SERAC1: variants seen among roughly 807,000 people sequenced by gnomAD.
SERAC1 encodes the protein serine active site containing 1.
Under a neutral mutation model 85.7 loss-of-function variants are expected in SERAC1, and 36 were observed. That is an observed-to-expected ratio of 0.42 (90% CI 0.32 to 0.55). The LOEUF is 0.55. Ranked by LOEUF, SERAC1 falls within the 20% of genes least tolerant of loss-of-function variation. The pLI, the probability that SERAC1 is intolerant of heterozygous loss-of-function variation, is 0.11. For synonymous variants in SERAC1, 242 were observed against 265.3 expected, an observed-to-expected ratio of 0.91 and a Z score of 0.85; for missense variants, 629 against 796.2, an observed-to-expected ratio of 0.79 and a Z score of 2.53.
intron 6 of SERAC1, chr6:158,146,543 G>C (rs1785063413): frequency 6.0e-6 from 2 of 332,776 alleles, no homozygotes; most frequent in East Asian, 1.6e-4. Context: ...CGAGTAGCTG[G>C]GACTACAGAC....
chr6:158,155,979 T>A (rs1364341737), intron 2 of SERAC1, among the ~76,000 whole-genome samples: 1 of 151,900 alleles, frequency 6.6e-6, no homozygotes, highest in African/African-American at 2.4e-5. Flanking sequence ...ATCCCATCTC[T>A]ACTAAATATT....
chr6:158,114,949 C>T lies in SERAC1; in HGVS notation c.1524G>A (p.Leu508=). Residue 508 remains leucine, a synonymous_variant, in exon 15 of 17, where the codon CTG becomes CTA. Coordinates refer to ENST00000647468, the MANE Select transcript of SERAC1 (RefSeq NM_032861.4). ...SMGGLLVKKM[L]LEASTKPEMS... The stretch of plus-strand genomic sequence containing the variant: ...TTTCTGGCTTCGTAGAGGCTTCCAA[C>T]AGCATCTTTTTGACAAGAAGACCTA... 6.2e-7 allele frequency: 1 copy of T among 1,611,562 alleles called. No individual in the cohort carries two copies. Among genetic ancestry groups the T allele is most frequent in the Non-Finnish European group, 8.5e-7 (1 of 1,179,056 alleles).
rs1447742268 is a variant in SERAC1 at position 158,119,721 on chromosome 6, T to C, written c.1167-551A>G. On this transcript the variant is annotated intron_variant, in intron 11 of 16. Transcript: ENST00000647468. The surrounding 1 kb of genome is among the most constrained non-coding windows in gnomAD (Gnocchi z 4.5). ...TACACATACAATTATGCAATGCACA[T>C]ATATAACCATAATATTTTATTTACA... 6.6e-6 allele frequency among the ~76,000 whole-genome samples: 1 copy of C among 152,224 alleles called. No homozygotes were observed.
At position 158,154,496 on chromosome 6, in the gene SERAC1, C is replaced by A. The variant is rs551130918; in HGVS notation, c.128+819G>T. 8.0e-4 allele frequency among the ~76,000 whole-genome samples: 122 copies of A among 152,098 alleles called. 1 individual carries two copies. The South Asian group carries it at 0.022, about 28-fold the overall frequency. ...GCCAAATATATCTCTTTTATCATTT[C>A]GGCATCTGAGAGTTAATTTTATATT... is the stretch of plus-strand genomic sequence containing the variant. On this transcript the variant is annotated intron_variant, in intron 3 of 16. Coordinates refer to ENST00000647468, the MANE Select transcript of SERAC1 (RefSeq NM_032861.4).
In SERAC1 at chr6:158,120,431, C is replaced by T; in HGVS notation, c.1160G>A (p.Arg387Gln). ...DGVYVLHPQYRTSQPIKADVL... is the reference protein window; with the variant it reads ...DGVYVLHPQYQTSQPIKADVL... ...CTCTCTTCTGCTTCCTTACCTTGTTCGATATTGGGGATGCAGCACATATAC... is the reference window on the plus strand; with the variant it reads ...CTCTCTTCTGCTTCCTTACCTTGTTTGATATTGGGGATGCAGCACATATAC... Residue 387 changes from arginine to glutamine, a missense_variant, in exon 11 of 17, where the codon CGA becomes CAA. Physicochemically the swap from Arg to Gln is conservative, Grantham distance 43 (BLOSUM62 1). Coordinates refer to ENST00000647468, the MANE Select transcript of SERAC1 (RefSeq NM_032861.4). This position sits in a 1 kb window ranked among gnomAD's most constrained non-coding sequence, Gnocchi z 4.4. 6.2e-7 allele frequency: 1 copy of T among 1,610,592 alleles called. No homozygotes were observed. Among genetic ancestry groups the T allele is most frequent in the African/African-American group, 1.3e-5 (1 of 74,898 alleles).
chr6:158,117,581 A>G lies in SERAC1; in HGVS notation c.1403+146T>C, dbSNP rs1784320145. On this transcript the variant is annotated intron_variant, in intron 13 of 16. Coordinates refer to ENST00000647468, the MANE Select transcript of SERAC1 (RefSeq NM_032861.4). This position sits in a 1 kb window ranked among gnomAD's most constrained non-coding sequence, Gnocchi z 4.3. ...TTATTGACAGCAAACTCCTTCTAGAAGGAAGACAAAAAAGATTAGGTTTGT... is the reference window on the plus strand; with the variant it reads ...TTATTGACAGCAAACTCCTTCTAGAGGGAAGACAAAAAAGATTAGGTTTGT... The G allele has an allele frequency of 5.8e-6, 9 of 1,552,680 alleles. No homozygotes were observed. Among genetic ancestry groups the G allele is most frequent in the Non-Finnish European group, 6.1e-6 (7 of 1,147,530 alleles).
At chr6:158,152,157 T>A (rs1785220532) in intron 3 of SERAC1, among the ~76,000 whole-genome samples, 1 of 152,164 alleles carries the variant, frequency 6.6e-6, no homozygotes, top group South Asian at 2.1e-4. Flanking sequence ...GGCAGGAGGA[T>A]CACTTGCATC....
chr6:158,118,234 C>T (rs1285074719), intron 12 of SERAC1, among the ~76,000 whole-genome samples: 1 of 151,974 alleles, frequency 6.6e-6, no homozygotes, highest in African/African-American at 2.4e-5. Context: ...CTCTGTATAC[C>T]CTAGGTCTAT....
chr6:158,143,612 C>A (rs1784984089), intron 7 of SERAC1, among the ~76,000 whole-genome samples: 2 of 151,910 alleles, frequency 1.3e-5, no homozygotes, highest in East Asian at 1.9e-4. Context: ...AATTATTGCA[C>A]CCTTACTAAT....
At chr6:158,147,694 C>T (rs1440568594) in intron 5 of SERAC1, among the ~76,000 whole-genome samples, 5 of 138,192 alleles carry the variant, frequency 3.6e-5, no homozygotes, top group African/African-American at 8.2e-5. Context: ...GGCGTGAACC[C>T]GGGAGGCAGA....
intron 1 of SERAC1, chr6:158,161,927 C>T (rs1033965971): frequency 2.6e-5 from 4 of 152,206 alleles, no homozygotes; most frequent in African/African-American, 4.8e-5. Flanking sequence ...TACCCTGTCT[C>T]GCTCATTCCT....
intron 1 of SERAC1, among the ~76,000 whole-genome samples, chr6:158,164,606 T>A (rs1177722748): frequency 6.6e-6 from 1 of 152,044 alleles, no homozygotes; most frequent in Non-Finnish European, 1.5e-5. Flanking sequence ...AATTTAAAAA[T>A]AAAACAAATA....
chr6:158,115,095 T>C (rs142463510), intron 14 of SERAC1, 124 bp from the exon 15 acceptor site: 16 of 1,035,532 alleles, frequency 1.5e-5, no homozygotes, highest in Middle Eastern at 5.2e-4. Context: ...AAAAAAATGG[T>C]TTAAACAATT....
chr6:158,132,484 G>T (rs1241154722), intron 8 of SERAC1, among the ~76,000 whole-genome samples: 1 of 152,078 alleles, frequency 6.6e-6, no homozygotes, highest in East Asian at 1.9e-4. Flanking sequence ...TTGTCGGGGG[G>T]TAGGAATTTT....
rs949148199 is a variant in SERAC1, at chr6:158,109,537, T to C, written c.*1829A>G. 3.3e-5 allele frequency: 5 copies of C among 152,202 alleles called. No homozygotes were observed. The East Asian group carries it at 9.6e-4, about 29-fold the overall frequency. 9.4% of individuals were successfully genotyped at this position (152,202 alleles called of 1,614,324 possible). On this transcript the variant is annotated 3_prime_UTR_variant, in exon 17 of 17. Coordinates refer to ENST00000647468, the MANE Select transcript of SERAC1 (RefSeq NM_032861.4). Reference sequence around the variant, plus strand: ...CAATTAATTGTTGATATCGAGTTTATTGATGAGCCATTTACCTTCAGATGC... The same window carrying C: ...CAATTAATTGTTGATATCGAGTTTACTGATGAGCCATTTACCTTCAGATGC...
intron 8 of SERAC1, among the ~76,000 whole-genome samples, chr6:158,134,275 C>T (rs1784743906): frequency 6.6e-6 from 1 of 152,164 alleles, no homozygotes; most frequent in African/African-American, 2.4e-5. Flanking sequence ...CCACTGAAGG[C>T]CTGAAAGCAA....
At chr6:158,147,727 G>A (rs1459185878) in intron 5 of SERAC1, among the ~76,000 whole-genome samples, 3 of 126,272 alleles carry the variant, frequency 2.4e-5, no homozygotes, top group East Asian at 2.5e-4. Context: ...CAGAGATCGC[G>A]CCACTGCACT....
chr6:158,155,051 T>C (rs1419370781), intron 3 of SERAC1, among the ~76,000 whole-genome samples: 1 of 152,186 alleles, frequency 6.6e-6, no homozygotes, highest in Non-Finnish European at 1.5e-5. Flanking sequence ...CTGATTTAAG[T>C]GTGTCAAAGT....
At chr6:158,128,345 G>A in intron 9 of SERAC1, 75 bp from the exon 10 acceptor site, 3 of 1,465,372 alleles carry the variant, frequency 2.0e-6, no homozygotes, top group Non-Finnish European at 2.8e-6. Context: ...GCCTGGTCAT[G>A]GGGACAGCTA....
Sources: gnomAD v4.1 joint callset for allele counts (sites outside exome capture counted in the v4.1 genomes callset) on GRCh38, gnomAD v4.1.1 for gene constraint, Gnocchi (gnomAD v3.1) non-coding constraint, MANE v1.5 for transcripts, NCBI Gene and HGNC (gene_info 2026-07-23, HGNC 2026-07-21) for gene names.